TTC28: variants seen among roughly 807,000 people sequenced by gnomAD.
TTC28 encodes the protein tetratricopeptide repeat domain 28.
Under a neutral mutation model 198.0 loss-of-function variants are expected in TTC28, and 61 were observed. That is an observed-to-expected ratio of 0.31 (90% CI 0.25 to 0.38). The LOEUF (loss-of-function observed/expected upper bound fraction) is 0.38, where lower values mean the gene tolerates loss of function less well. Among genes scored for constraint, TTC28 ranks in the 10% least tolerant of loss-of-function variants. TTC28 has a pLI of 1.00. For synonymous variants in TTC28, 1,171 were observed against 1,297.8 expected, an observed-to-expected ratio of 0.90 and a Z score of 2.10; for missense variants, 2,678 against 3,164.0, an observed-to-expected ratio of 0.85 and a Z score of 3.69.
rs573149717 is a variant in TTC28 at position 28,554,772 on chromosome 22, G to A, written c.381+74780C>T. On this transcript the variant is annotated intron_variant, in intron 2 of 22. Coordinates refer to ENST00000397906, the MANE Select transcript of TTC28 (RefSeq NM_001145418.2). ...TGTCATCCCAGCTACTAGGGAGGCT[G>A]AGGCAGGAGAATCACTTGAACCTGG... Among the ~76,000 whole-genome samples, 4 of 152,298 alleles carry A rather than the reference G, an allele frequency of 2.6e-5. No homozygotes were observed. In the South Asian group the frequency reaches 6.2e-4, roughly 24 times the overall value.
At chr22:28,167,398 T>C (rs1271111071) in intron 5 of TTC28, among the ~76,000 whole-genome samples, 1 of 152,202 alleles carries the variant, frequency 6.6e-6, no homozygotes, top group Non-Finnish European at 1.5e-5. Context: ...ATATCCCTGA[T>C]GAACATTGAT....
At chr22:28,177,103 G>C (rs1290752504) in intron 5 of TTC28, among the ~76,000 whole-genome samples, 3 of 152,070 alleles carry the variant, frequency 2.0e-5, no homozygotes, top group Non-Finnish European at 2.9e-5. Flanking sequence ...CAGACGGCGA[G>C]AAAACATTTG....
intron 13 of TTC28, among the ~76,000 whole-genome samples, chr22:28,016,849 C>T (rs1463727392): frequency 6.6e-6 from 1 of 152,230 alleles, no homozygotes; most frequent in African/African-American, 2.4e-5. Flanking sequence ...AACCAAACAC[C>T]CGGCCCATCT....
At chr22:28,367,682 GAA>G (rs1206581606) in intron 2 of TTC28, among the ~76,000 whole-genome samples, 1 of 151,576 alleles carries the variant, frequency 6.6e-6, no homozygotes, top group African/African-American at 2.4e-5. Context: ...GCCAGACTAA[GAA>G]AAAAGAGAGA....
chr22:28,167,622 G>C lies in TTC28; in HGVS notation c.934-4023C>G, dbSNP rs35453513. 3.3e-5 allele frequency among the ~76,000 whole-genome samples: 5 copies of C among 152,224 alleles called. No individual in the cohort carries two copies. The East Asian group carries it at 7.7e-4, about 24-fold the overall frequency. On this transcript the variant is annotated intron_variant, in intron 5 of 22. Transcript: ENST00000397906. ...AAGGCCTTTGACAAAATTCAACAAT[G>C]CTTCATGCTAAAATCTCTCTATAAA...
intron 2 of TTC28, among the ~76,000 whole-genome samples, chr22:28,311,239 T>A (rs1047921568): frequency 5.0e-4 from 74 of 148,282 alleles, no homozygotes; most frequent in African/African-American, 1.8e-3. Context: ...GTAAATCACA[T>A]GACTTTTTTA....
chr22:28,584,573 A>G (rs2050284107), intron 2 of TTC28, among the ~76,000 whole-genome samples: 1 of 152,222 alleles, frequency 6.6e-6, no homozygotes, highest in African/African-American at 2.4e-5. Flanking sequence ...GAATGTTGGA[A>G]GTGTAGCTAG....
At chr22:28,290,613 T>TA (rs1306845809) in intron 5 of TTC28, among the ~76,000 whole-genome samples, 1 of 152,142 alleles carries the variant, frequency 6.6e-6, no homozygotes, top group African/African-American at 2.4e-5. Context: ...ACTATTTTTT[T>TA]AAAAAATCAC....
intron 2 of TTC28, among the ~76,000 whole-genome samples, chr22:28,340,410 C>T (rs894640388): frequency 9.2e-5 from 14 of 151,620 alleles, no homozygotes; most frequent in African/African-American, 3.4e-4. Context: ...GTGATTACCA[C>T]ACTTGGTTTC....
At chr22:28,242,761 T>C (rs1441268066) in intron 5 of TTC28, among the ~76,000 whole-genome samples, 1 of 152,138 alleles carries the variant, frequency 6.6e-6, no homozygotes, top group Non-Finnish European at 1.5e-5. Flanking sequence ...CTGGATTAAA[T>C]AAGTTTCAAT....
intron 2 of TTC28, among the ~76,000 whole-genome samples, chr22:28,587,389 A>G (rs1308027355): frequency 6.6e-6 from 1 of 152,240 alleles, no homozygotes; most frequent in Non-Finnish European, 1.5e-5. Flanking sequence ...TAATAATTTT[A>G]TAATTAATAA....
At chr22:28,243,553 G>A (rs1929847160) in intron 5 of TTC28, among the ~76,000 whole-genome samples, 2 of 151,990 alleles carry the variant, frequency 1.3e-5, no homozygotes, top group Admixed American at 6.6e-5. Context: ...CACTGTGTGA[G>A]TTTTGATGCT....
At chr22:28,294,897 C>G (rs2044862732) in intron 5 of TTC28, among the ~76,000 whole-genome samples, 1 of 152,134 alleles carries the variant, frequency 6.6e-6, no homozygotes, top group Non-Finnish European at 1.5e-5. Flanking sequence ...CAATCTGTCC[C>G]TTCACTAAAT....
intron 13 of TTC28, among the ~76,000 whole-genome samples, chr22:28,022,718 TC>T (rs1439234768): frequency 6.6e-6 from 1 of 152,252 alleles, no homozygotes; most frequent in Admixed American, 6.5e-5. Flanking sequence ...AGCTGCATCT[TC>T]TGAGGTAGCT....
chr22:28,450,607 ACT>A (rs1267439909), intron 2 of TTC28, among the ~76,000 whole-genome samples: 1 of 152,134 alleles, frequency 6.6e-6, no homozygotes, highest in Non-Finnish European at 1.5e-5. Flanking sequence ...TACTACGCTA[ACT>A]CTGAATTTTT....
intron 2 of TTC28, among the ~76,000 whole-genome samples, chr22:28,536,003 AATCAAGACC>A (rs1201648954): frequency 6.8e-6 from 1 of 146,510 alleles, no homozygotes; most frequent in Admixed American, 6.8e-5. Flanking sequence ...GAGGTCAGGA[AATCAAGACC>A]ACGGTGAAAC....
At chr22:28,226,492 T>C (rs1202740281) in intron 5 of TTC28, among the ~76,000 whole-genome samples, 2 of 152,114 alleles carry the variant, frequency 1.3e-5, no homozygotes, top group East Asian at 3.9e-4. Flanking sequence ...AGTGGTGCAA[T>C]CTCAGCTCAC....
intron 12 of TTC28, among the ~76,000 whole-genome samples, chr22:28,051,127 T>G (rs977400451): frequency 6.6e-6 from 1 of 152,194 alleles, no homozygotes; most frequent in Admixed American, 6.5e-5. Context: ...TCATATGGGA[T>G]GTGGTCCTTA....
At chr22:28,618,873 C>T (rs377341353) in intron 2 of TTC28, among the ~76,000 whole-genome samples, 3 of 151,910 alleles carry the variant, frequency 2.0e-5, no homozygotes, top group Admixed American at 1.3e-4. Flanking sequence ...AAATATATCA[C>T]ACATATTAAA....
Sources: gnomAD v4.1 joint callset for allele counts (sites outside exome capture counted in the v4.1 genomes callset) on GRCh38, gnomAD v4.1.1 for gene constraint, MANE v1.5 for transcripts, NCBI Gene and HGNC (gene_info 2026-07-23, HGNC 2026-07-21) for gene names.